The following HPD variants were observed in gnomAD, a reference collection of about 807,000 sequenced individuals.
The protein encoded by HPD is 4-hydroxyphenylpyruvic acid oxidase.
In HPD, 35 loss-of-function variants were observed where a neutral mutation model predicts 56.9. The observed-to-expected ratio is 0.62, with a 90% CI of 0.47 to 0.82. HPD has a LOEUF of 0.82. Among genes scored for constraint, HPD ranks in the 40% least tolerant of loss-of-function variants. The probability of loss-of-function intolerance (pLI) is 0.00; values close to 1 mark genes in which losing one functional copy is unlikely to be tolerated. For synonymous variants in HPD, 186 were observed against 200.2 expected, an observed-to-expected ratio of 0.93 and a Z score of 0.60; for missense variants, 442 against 506.8, an observed-to-expected ratio of 0.87 and a Z score of 1.23.
chr12:121,849,915 T>C, intron 7 of HPD, 125 bp from the exon 8 acceptor site: 2 of 703,048 alleles, frequency 2.8e-6, no homozygotes, highest in Non-Finnish European at 5.3e-6. Context: ...AGATGCGTGA[T>C]CTTGGGTAAG....
At chr12:121,866,833 C>T (rs1878340854), upstream of HPD, among the ~76,000 whole-genome samples, 1 of 151,956 alleles carries the variant, frequency 6.6e-6, no homozygotes, top group East Asian at 1.9e-4. Context: ...TATACAGTTG[C>T]ATAACTATGA....
At chr12:121,858,935 G>A, upstream of HPD, 1 of 1,312,682 alleles carries the variant, frequency 7.6e-7, no homozygotes, top group Non-Finnish European at 1.1e-6. Context: ...CTGGGGGATG[G>A]GGTGGGGAGC....
In HPD at chr12:121,845,695, C is replaced by T. The variant is rs146985400; in HGVS notation, c.831+1167G>A. On this transcript the variant is annotated intron_variant, in intron 11 of 13. Transcript: ENST00000289004. The stretch of plus-strand genomic sequence containing the variant: ...AAGCAGTCCTCCTGCCTCGGCCTCC[C>T]ACAGTGTCTGACCCCCCAATTTAAA... 2.1e-3 allele frequency among the ~76,000 whole-genome samples: 325 copies of T among 152,152 alleles called. 4 individuals are homozygous for T. Among genetic ancestry groups the T allele is most frequent in the African/African-American group, 7.4e-3 (308 of 41,516 alleles).
Position 121,839,699 on chromosome 12 carries a change from G to A in HPD, c.*29C>T. ...CCAGAATCAGGGGGCGTGGCTGTGT[G>A]GCTGTGGCCTCCGTGGGGTGGGCGG... On this transcript the variant is annotated 3_prime_UTR_variant, in exon 14 of 14. Transcript: ENST00000289004. The A allele has an allele frequency of 2.7e-6, 4 of 1,483,546 alleles. No homozygotes were observed. The highest frequency in any genetic ancestry group is 3.8e-6 in the Non-Finnish European group (4 of 1,061,038). 91.9% of individuals were successfully genotyped at this position (1,483,546 alleles called of 1,614,324 possible).
At chr12:121,855,676 C>T (rs1877965126) in intron 6 of HPD, among the ~76,000 whole-genome samples, 1 of 151,654 alleles carries the variant, frequency 6.6e-6, no homozygotes, top group Non-Finnish European at 1.5e-5. Flanking sequence ...AAGATTGCGC[C>T]ACTGCTCTCC....
intron 11 of HPD, among the ~76,000 whole-genome samples, chr12:121,844,687 C>A (rs1877516590): frequency 6.6e-6 from 1 of 151,776 alleles, no homozygotes; most frequent in South Asian, 2.1e-4. Flanking sequence ...TCAAGACCAT[C>A]CTGGCTAACA....
intron 4 of HPD, 153 bp from the exon 5 acceptor site, chr12:121,856,778 A>ATCC (rs1341008351): frequency 1.4e-6 from 1 of 731,028 alleles, no homozygotes; most frequent in Non-Finnish European, 2.4e-6. Context: ...TTAGTTTCCC[A>ATCC]CACTGGTCCT....
At chr12:121,863,852 G>A (rs183338664), upstream of HPD, among the ~76,000 whole-genome samples, 117 of 152,116 alleles carry the variant, frequency 7.7e-4, 1 homozygote, top group Middle Eastern at 3.4e-3. Context: ...TGAAAATCCA[G>A]GATTTTGCCC....
the HPD span, among the ~76,000 whole-genome samples, chr12:121,880,891 C>T: frequency 2.4e-4 from 37 of 152,262 alleles, no homozygotes; most frequent in African/African-American, 8.9e-4. Flanking sequence ...GCCTCCCAGG[C>T]TCAAGCAATC....
the HPD span, among the ~76,000 whole-genome samples, chr12:121,878,475 A>G: frequency 1.3e-5 from 2 of 152,094 alleles, no homozygotes; most frequent in Non-Finnish European, 2.9e-5. Context: ...CAGCCTCCCA[A>G]GTAGCTGGGA....
At chr12:121,843,656 C>G (rs754491757) in intron 12 of HPD, 54 bp downstream of exon 12, 7 of 1,606,138 alleles carry the variant, frequency 4.4e-6, no homozygotes, top group Non-Finnish European at 6.0e-6. Flanking sequence ...TGAAAAGATG[C>G]AATGCAGAGC....
chr12:121,843,295 C>T (rs1877467818), intron 12 of HPD, among the ~76,000 whole-genome samples: 1 of 152,210 alleles, frequency 6.6e-6, no homozygotes, highest in Non-Finnish European at 1.5e-5. Context: ...GCCTCCCATC[C>T]ACTCTAGCCT....
At chr12:121,844,486 G>A (rs191239918) in intron 11 of HPD, among the ~76,000 whole-genome samples, 3 of 151,988 alleles carry the variant, frequency 2.0e-5, no homozygotes, top group Admixed American at 6.6e-5. Flanking sequence ...GGTGGCTCAC[G>A]CCTGTAAGCC....
At chr12:121,871,198 C>CA in the HPD span, among the ~76,000 whole-genome samples, 211 of 151,326 alleles carry the variant, frequency 1.4e-3, 1 homozygote, top group African/African-American at 2.2e-3. Context: ...CCCATTTCTA[C>CA]AAAAAAAAAC....
rs182989392 is a variant in HPD, at chr12:121,844,503, T to C, written c.832-671A>G. On this transcript the variant is annotated intron_variant, in intron 11 of 13. Coordinates refer to ENST00000289004, the MANE Select transcript of HPD (RefSeq NM_002150.3). ...TGGCTCACGCCTGTAAGCCCAGCAC[T>C]TTTGGAGGCTGAGGCGGGCAGATCA... Among the ~76,000 whole-genome samples, 560 of 149,882 alleles carry C rather than the reference T, an allele frequency of 3.7e-3. 6 individuals are homozygous for C. The highest frequency in any genetic ancestry group is 0.034 in the Middle Eastern group (10 of 290).
At chr12:121,871,179 T>C in the HPD span, among the ~76,000 whole-genome samples, 1 of 151,870 alleles carries the variant, frequency 6.6e-6, no homozygotes, top group African/African-American at 2.4e-5. Context: ...CTGGGTAACA[T>C]GGCAAAACCC....
chr12:121,872,681 A>G, the HPD span, among the ~76,000 whole-genome samples: 1 of 151,900 alleles, frequency 6.6e-6, no homozygotes, highest in African/African-American at 2.4e-5. Context: ...AGGGCTGGGC[A>G]CCTGGCCAGA....
At chr12:121,881,800 C>T in the HPD span, among the ~76,000 whole-genome samples, 1 of 148,578 alleles carries the variant, frequency 6.7e-6, no homozygotes, top group Non-Finnish European at 1.5e-5. Flanking sequence ...GCATGTGCCA[C>T]CATGCTCAGC....
chr12:121,868,456 G>T (rs1322600666), upstream of HPD, among the ~76,000 whole-genome samples: 1 of 151,608 alleles, frequency 6.6e-6, no homozygotes, highest in African/African-American at 2.4e-5. Flanking sequence ...GCCTCCCAAA[G>T]TGCTGGGGTT....
Sources: allele counts gnomAD v4.1 joint callset (sites outside exome capture counted in the v4.1 genomes callset), GRCh38; gene constraint gnomAD v4.1.1; transcripts MANE v1.5; gene names NCBI Gene and HGNC (gene_info 2026-07-23, HGNC 2026-07-21).